KATNAL2: variants seen among roughly 807,000 people sequenced by gnomAD.
KATNAL2 encodes katanin catalytic subunit A1 like 2.
A neutral mutation model predicts 76.3 loss-of-function variants in KATNAL2; 52 were observed. That is an observed-to-expected ratio of 0.68 (90% CI 0.55 to 0.86). KATNAL2 has a LOEUF of 0.86. Ranked by LOEUF, KATNAL2 falls within the 40% of genes least tolerant of loss-of-function variation. KATNAL2 has a pLI of 0.00. For missense variants in KATNAL2, 660 were observed against 668.9 expected (o/e 0.99, Z 0.15); for synonymous variants, 243 against 244.2 (o/e 1.00, Z 0.05).
intron 1 of KATNAL2, among the ~76,000 whole-genome samples, chr18:46,934,142 T>C (rs2059019448): frequency 6.6e-6 from 1 of 152,110 alleles, no homozygotes; most frequent in Admixed American, 6.6e-5. Context: ...GCATGATTTA[T>C]AGTCCTTTGG....
intron 3 of KATNAL2, among the ~76,000 whole-genome samples, chr18:46,958,855 C>G (rs1164048530): frequency 1.3e-5 from 2 of 152,216 alleles, no homozygotes; most frequent in Non-Finnish European, 2.9e-5. Context: ...TCCACACATT[C>G]ATGTGTATGC....
At chr18:47,086,506 G>T (rs2062780330) in intron 15 of KATNAL2, among the ~76,000 whole-genome samples, 1 of 152,108 alleles carries the variant, frequency 6.6e-6, no homozygotes, top group African/African-American at 2.4e-5. Flanking sequence ...TAGTAGAGGT[G>T]GGGTTTCACC....
chr18:47,031,328 A>T (rs1408371043), intron 3 of KATNAL2, among the ~76,000 whole-genome samples: 1 of 151,982 alleles, frequency 6.6e-6, no homozygotes, highest in Non-Finnish European at 1.5e-5. Flanking sequence ...ATCCATTTGA[A>T]ATATGTATGT....
At position 47,054,561 on chromosome 18, in the gene KATNAL2, A is replaced by G. The variant is rs1057334269; in HGVS notation, c.332+123A>G. 1.9e-5 allele frequency: 18 copies of G among 961,078 alleles called. No individual in the cohort carries two copies. In the African/African-American group the frequency reaches 2.9e-4, roughly 16 times the overall value. The allele number at this position is 961,078 out of a possible 1,614,324, so 59.5% of individuals were successfully genotyped here. On this transcript the variant is annotated intron_variant, in intron 6 of 17. Transcript: ENST00000683218. The stretch of plus-strand genomic sequence containing the variant: ...CAGCAATACTGACTGCAGTCATGTG[A>G]CCTGGCCCAGCCCAGGACTTCTCTC...
intron 3 of KATNAL2, among the ~76,000 whole-genome samples, chr18:47,040,907 A>G (rs1355935876): frequency 6.6e-6 from 1 of 152,238 alleles, no homozygotes; most frequent in Non-Finnish European, 1.5e-5. Context: ...ATTAATCTAT[A>G]TTGAATACAA....
chr18:46,957,402 C>G (rs1286781005), intron 3 of KATNAL2, among the ~76,000 whole-genome samples: 2 of 150,520 alleles, frequency 1.3e-5, no homozygotes, highest in Admixed American at 6.6e-5. Context: ...CTACAGGCGC[C>G]CGCCACCTCA....
chr18:47,056,161 T>C (rs1420379937), intron 6 of KATNAL2, among the ~76,000 whole-genome samples: 1 of 152,218 alleles, frequency 6.6e-6, no homozygotes, highest in Non-Finnish European at 1.5e-5. Context: ...CCAAAAGATC[T>C]TGGCAATTCC....
chr18:46,934,134 A>G (rs976839478), intron 1 of KATNAL2, among the ~76,000 whole-genome samples: 12 of 152,096 alleles, frequency 7.9e-5, no homozygotes, highest in African/African-American at 2.9e-4. Context: ...TTATAGCAGC[A>G]TGATTTATAG....
At chr18:47,054,971 C>T (rs533146290) in intron 6 of KATNAL2, among the ~76,000 whole-genome samples, 58 of 152,390 alleles carry the variant, frequency 3.8e-4, no homozygotes, top group African/African-American at 1.4e-3. Flanking sequence ...GCTTTTCCCT[C>T]CTGTTCACAG....
intron 3 of KATNAL2, among the ~76,000 whole-genome samples, chr18:46,948,427 T>TTC (rs150878662): frequency 2.5e-5 from 3 of 117,808 alleles, no homozygotes; most frequent in Non-Finnish European, 5.6e-5. Context: ...CTTCTTCTTC[T>TTC]TTTTTTTTTT....
chr18:47,069,590 A>G lies in KATNAL2; in HGVS notation c.998A>G (p.Lys333Arg). Residue 333 changes from lysine to arginine, a missense_variant, in exon 13 of 18, where the codon AAA becomes AGA. Coordinates refer to ENST00000683218, the MANE Select transcript of KATNAL2 (RefSeq NM_001387690.1). ...IVSKWRGDSE[K>R]LVRVLFELAR... Reference sequence around the variant, plus strand: ...AGCAAATGGAGAGGGGATTCAGAAAAACTCGTTCGGGTAGGAATTCTTAAT... The same window carrying G: ...AGCAAATGGAGAGGGGATTCAGAAAGACTCGTTCGGGTAGGAATTCTTAAT... The G allele has an allele frequency of 6.2e-7, 1 of 1,609,834 alleles. No homozygotes were observed. The highest frequency in any genetic ancestry group is 1.1e-5 in the South Asian group (1 of 90,878).
chr18:47,041,416 T>A (rs974894110), intron 3 of KATNAL2, among the ~76,000 whole-genome samples: 1 of 152,226 alleles, frequency 6.6e-6, no homozygotes, highest in Non-Finnish European at 1.5e-5. Context: ...TCTATAGTTT[T>A]GCCTTTTCCA....
At chr18:47,045,613 G>A (rs745523712) in intron 3 of KATNAL2, among the ~76,000 whole-genome samples, 4 of 152,050 alleles carry the variant, frequency 2.6e-5, no homozygotes, top group Admixed American at 2.0e-4. Flanking sequence ...ATGAGCCACC[G>A]CACCCAGCCA....
intron 3 of KATNAL2, among the ~76,000 whole-genome samples, chr18:47,031,015 C>CCCA: frequency 4.5e-5 from 1 of 22,242 alleles, no homozygotes; most frequent in Non-Finnish European, 1.4e-4. Flanking sequence ...TAGCATCTCC[C>CCCA]CCCCCCCCCC....
intron 15 of KATNAL2, among the ~76,000 whole-genome samples, chr18:47,091,823 A>G (rs1327942784): frequency 6.6e-6 from 1 of 152,206 alleles, no homozygotes; most frequent in Non-Finnish European, 1.5e-5. Context: ...AGCAGGAAGA[A>G]GGAGTCCCTG....
intron 1 of KATNAL2, among the ~76,000 whole-genome samples, chr18:46,925,068 CT>C (rs1484545683): frequency 1.3e-5 from 2 of 152,096 alleles, no homozygotes; most frequent in Non-Finnish European, 1.5e-5. Flanking sequence ...ATTGAATACC[CT>C]TTTTTTCCTT....
At chr18:47,038,739 G>A (rs547188901) in intron 3 of KATNAL2, among the ~76,000 whole-genome samples, 4 of 152,220 alleles carry the variant, frequency 2.6e-5, no homozygotes, top group African/African-American at 7.2e-5. Flanking sequence ...ATTGAAAGAA[G>A]CTTATTTTTG....
chr18:46,941,949 G>A (rs1340707698), intron 1 of KATNAL2, among the ~76,000 whole-genome samples: 1 of 152,132 alleles, frequency 6.6e-6, no homozygotes, highest in African/African-American at 2.4e-5. Context: ...TTGCTGTGTC[G>A]TTTCCTACCA....
At chr18:47,059,815 T>C (rs2061579380) in intron 8 of KATNAL2, among the ~76,000 whole-genome samples, 161 bp downstream of exon 8, 1 of 152,160 alleles carries the variant, frequency 6.6e-6, no homozygotes. Context: ...AATGGGTTCT[T>C]CTTTGGAATC....
Sources: allele counts gnomAD v4.1 joint callset (sites outside exome capture counted in the v4.1 genomes callset), GRCh38; gene constraint gnomAD v4.1.1; transcripts MANE v1.5; gene names NCBI Gene and HGNC (gene_info 2026-07-23, HGNC 2026-07-21).